Variants in EPHB1 observed in about 807,000 individuals in gnomAD.
EPHB1 encodes ephrin type-B receptor 1.
In EPHB1, 30 loss-of-function variants were observed where a neutral mutation model predicts 94.4. That is an observed-to-expected ratio of 0.32 (90% CI 0.24 to 0.43). The LOEUF (loss-of-function observed/expected upper bound fraction) is 0.43, where lower values mean the gene tolerates loss of function less well. EPHB1 is among the 20% of genes least tolerant of loss of function. The pLI is 1.00. For missense variants in EPHB1, 1,055 were observed against 1,308.3 expected (o/e 0.81, Z 2.99); for synonymous variants, 522 against 489.1 (o/e 1.07, Z -0.89).
At chr3:135,194,078 A>G (rs28733821) in intron 11 of EPHB1, among the ~76,000 whole-genome samples, 12,605 of 152,220 alleles carry the variant, frequency 0.083, 638 homozygotes, top group East Asian at 0.21. Context: ...GAGAGGAATG[A>G]GGAATCTGTA....
intron 12 of EPHB1, among the ~76,000 whole-genome samples, chr3:135,207,095 G>A (rs1942919356): frequency 6.6e-6 from 1 of 152,152 alleles, no homozygotes; most frequent in Admixed American, 6.5e-5. Context: ...AAATAATGAT[G>A]TCAGCCAAAT....
chr3:134,878,166 T>G (rs2037656643), intron 1 of EPHB1, among the ~76,000 whole-genome samples: 1 of 152,220 alleles, frequency 6.6e-6, no homozygotes, highest in South Asian at 2.1e-4. Flanking sequence ...TGGCCCCATC[T>G]CTATGGAGCC....
At chr3:135,025,250 G>C (rs1225501274) in intron 3 of EPHB1, among the ~76,000 whole-genome samples, 1 of 103,320 alleles carries the variant, frequency 9.7e-6, no homozygotes, top group Non-Finnish European at 2.1e-5. Context: ...TAGGGTACAT[G>C]TGCACACTGT....
At chr3:134,804,775 A>G (rs180767565) in intron 1 of EPHB1, among the ~76,000 whole-genome samples, 2 of 152,268 alleles carry the variant, frequency 1.3e-5, no homozygotes, top group Admixed American at 1.3e-4. Flanking sequence ...ACGACATCAG[A>G]GGAGGACACT....
At chr3:134,946,397 A>G (rs185743639) in intron 2 of EPHB1, among the ~76,000 whole-genome samples, 4 of 152,276 alleles carry the variant, frequency 2.6e-5, no homozygotes, top group Non-Finnish European at 5.9e-5. Context: ...TCTGTCACAC[A>G]GCCTTCATTC....
intron 1 of EPHB1, among the ~76,000 whole-genome samples, chr3:134,828,511 A>T (rs912875068): frequency 6.6e-6 from 1 of 152,178 alleles, no homozygotes; most frequent in Non-Finnish European, 1.5e-5. Context: ...GCCTCAATCT[A>T]TCATTTTATA....
rs186185439 is a variant in EPHB1 at position 135,258,079 on chromosome 3, C to T, written c.2847-933C>T. Among the ~76,000 whole-genome samples, 119 of 152,210 alleles carry T rather than the reference C, an allele frequency of 7.8e-4. 1 individual carries two copies. The South Asian group carries it at 0.022, about 28-fold the overall frequency. On this transcript the variant is annotated intron_variant, in intron 15 of 15. Coordinates refer to ENST00000398015, the MANE Select transcript of EPHB1 (RefSeq NM_004441.5). ...GCCTCACCCTGCTTCGGCTCGTGCA[C>T]GCACCCACTGACCTGCACCCACTGT... is the stretch of plus-strand genomic sequence containing the variant.
chr3:134,927,891 C>T (rs188718063), intron 2 of EPHB1, among the ~76,000 whole-genome samples: 3 of 152,286 alleles, frequency 2.0e-5, no homozygotes, highest in East Asian at 3.9e-4. Flanking sequence ...TTTACAGTGA[C>T]GAGTGGGAGG....
At chr3:134,852,792 C>G (rs1438824202) in intron 1 of EPHB1, among the ~76,000 whole-genome samples, 1 of 152,148 alleles carries the variant, frequency 6.6e-6, no homozygotes, top group Non-Finnish European at 1.5e-5. Context: ...CAGCACCAGG[C>G]CACTGTCATG....
intron 3 of EPHB1, among the ~76,000 whole-genome samples, chr3:135,007,453 GAAT>G (rs1173962687): frequency 1.3e-5 from 2 of 152,284 alleles, no homozygotes; most frequent in African/African-American, 4.8e-5. Flanking sequence ...GTGGATTCAT[GAAT>G]AAATGAATGA....
chr3:134,982,123 C>T (rs1341683780), intron 3 of EPHB1, among the ~76,000 whole-genome samples: 1 of 152,164 alleles, frequency 6.6e-6, no homozygotes, highest in African/African-American at 2.4e-5. Flanking sequence ...AGTCCAAGTC[C>T]TTACTCTTCA....
intron 6 of EPHB1, among the ~76,000 whole-genome samples, chr3:135,155,862 C>A (rs1435860563): frequency 1.3e-5 from 2 of 148,966 alleles, no homozygotes; most frequent in African/African-American, 5.0e-5. Flanking sequence ...GGTTGAGGAG[C>A]GGAGGAGGGA....
chr3:134,840,340 G>A (rs1158070085), intron 1 of EPHB1: 5 of 152,182 alleles, frequency 3.3e-5, no homozygotes, highest in Non-Finnish European at 7.3e-5. Context: ...CCTGTGAATA[G>A]GTGAACTCCT....
rs1424001492 is a variant in EPHB1 at position 135,071,631 on chromosome 3, G to T, written c.806-34817G>T. ...CAGCACCATTTCCTTTGAAGTTCTG[G>T]GGGACCTCCCCTTAGTGCTTTATTT... On this transcript the variant is annotated intron_variant, in intron 3 of 15. Coordinates refer to ENST00000398015, the MANE Select transcript of EPHB1 (RefSeq NM_004441.5). Among the ~76,000 whole-genome samples, 8 of 152,174 alleles carry T rather than the reference G, an allele frequency of 5.3e-5. No homozygotes were observed. In the East Asian group the frequency reaches 1.6e-3, roughly 29 times the overall value.
At chr3:135,096,925 G>T (rs567724443) in intron 3 of EPHB1, among the ~76,000 whole-genome samples, 1 of 151,816 alleles carries the variant, frequency 6.6e-6, no homozygotes, top group African/African-American at 2.4e-5. Context: ...GTGAAACCCC[G>T]TCTCTACTTA....
intron 15 of EPHB1, among the ~76,000 whole-genome samples, chr3:135,255,703 G>C (rs1375112160): frequency 6.6e-6 from 1 of 151,308 alleles, no homozygotes; most frequent in South Asian, 2.1e-4. Flanking sequence ...TGTTGACTTG[G>C]GGTGGAGAGT....
At chr3:134,953,035 A>G (rs1201618398) in intron 3 of EPHB1, among the ~76,000 whole-genome samples, 3 of 151,984 alleles carry the variant, frequency 2.0e-5, no homozygotes, top group African/African-American at 7.3e-5. Context: ...CTCAGAAATG[A>G]CCACCTTAAC....
chr3:135,092,865 G>C (rs1018696020), intron 3 of EPHB1, among the ~76,000 whole-genome samples: 2 of 152,180 alleles, frequency 1.3e-5, no homozygotes, highest in Admixed American at 1.3e-4. Context: ...GGGCTCAAGT[G>C]ATCTTCCCGC....
In EPHB1 at chr3:135,227,034, G is replaced by C. The variant is rs2107722527; in HGVS notation, c.2347-14114G>C. Among the ~76,000 whole-genome samples, 3 of 152,206 alleles carry C rather than the reference G, an allele frequency of 2.0e-5. No homozygotes were observed. The South Asian group carries it at 6.2e-4, about 32-fold the overall frequency. ...GACTACTGAAGGGTGGGGGACCAGG[G>C]AGACATGGATTGAAAAATCCACTAT... On this transcript the variant is annotated intron_variant, in intron 12 of 15. Coordinates refer to ENST00000398015, the MANE Select transcript of EPHB1 (RefSeq NM_004441.5).
Sources: gnomAD v4.1 joint callset for allele counts (sites outside exome capture counted in the v4.1 genomes callset) on GRCh38, gnomAD v4.1.1 for gene constraint, MANE v1.5 for transcripts, NCBI Gene and HGNC (gene_info 2026-07-23, HGNC 2026-07-21) for gene names.